The following GNB1 variants were observed in gnomAD, a reference collection of about 807,000 sequenced individuals.
GNB1 encodes guanine nucleotide-binding protein G(I)/G(S)/G(T) subunit beta-1.
In GNB1, 2 loss-of-function variants were observed where a neutral mutation model predicts 42.9. The ratio of observed to expected loss-of-function variants is 0.05; its 90% CI spans 0.02 to 0.15. GNB1 has a LOEUF of 0.15. Ranked by LOEUF, GNB1 falls within the 10% of genes least tolerant of loss-of-function variation. The pLI is 1.00. For synonymous variants in GNB1, 183 were observed against 174.7 expected, an observed-to-expected ratio of 1.05 and a Z score of -0.38; for missense variants, 193 against 462.2, an observed-to-expected ratio of 0.42 and a Z score of 5.34.
chr1:1,792,934 C>T (rs557625847), intron 8 of GNB1, among the ~76,000 whole-genome samples: 1 of 151,838 alleles, frequency 6.6e-6, no homozygotes, highest in East Asian at 1.9e-4. Context: ...GGCGTGGTGG[C>T]GGGCACCTGT....
chr1:1,789,341 ATGGTAGGGC>A lies in GNB1; in HGVS notation c.700-81_700-73del. On this transcript the variant is annotated intron_variant, in intron 9 of 11. Coordinates refer to ENST00000378609, the MANE Select transcript of GNB1 (RefSeq NM_002074.5). ...AAACATTGGGAATATGGATTGCTCA[ATGGTAGGGC>A]TGCAGAGAACACAGCAGGCAAAGAC... is the stretch of plus-strand genomic sequence containing the variant. The A allele has an allele frequency of 3.6e-6, 3 of 838,742 alleles. No homozygotes were observed. In the Admixed American group the frequency reaches 5.9e-5, roughly 16 times the overall value. The allele number at this position is 838,742 out of a possible 1,614,324, so 52.0% of individuals were successfully genotyped here. A position where few individuals can be genotyped will look rare whatever the true frequency, so the allele number is the denominator to read the frequency against.
intron 2 of GNB1, among the ~76,000 whole-genome samples, chr1:1,828,658 T>C (rs965324936): frequency 2.0e-5 from 3 of 152,190 alleles, no homozygotes; most frequent in South Asian, 2.1e-4. Flanking sequence ...TTCTTTTTCA[T>C]AGTTAATAGC....
chr1:1,864,266 A>T (rs1188752301), intron 1 of GNB1, among the ~76,000 whole-genome samples: 3 of 137,314 alleles, frequency 2.2e-5, no homozygotes, highest in Non-Finnish European at 3.1e-5. Context: ...CAGTGTGCCA[A>T]GATCGTGCCA....
chr1:1,810,220 C>T (rs1320479754), intron 5 of GNB1, among the ~76,000 whole-genome samples: 3 of 151,826 alleles, frequency 2.0e-5, no homozygotes, highest in East Asian at 1.9e-4. Flanking sequence ...CACCTGCCAC[C>T]GCGCCTGGCT....
intron 2 of GNB1, among the ~76,000 whole-genome samples, chr1:1,831,922 C>T (rs1033836211): frequency 5.9e-5 from 9 of 151,344 alleles, no homozygotes; most frequent in South Asian, 2.1e-4. Flanking sequence ...AATTAGCTGG[C>T]GCAGTGGCAC....
chr1:1,843,194 T>G (rs1027666193), intron 1 of GNB1, among the ~76,000 whole-genome samples: 1 of 152,158 alleles, frequency 6.6e-6, no homozygotes, highest in Admixed American at 6.6e-5. Flanking sequence ...CTAAAAAAAA[T>G]TATACATAAT....
intron 1 of GNB1, among the ~76,000 whole-genome samples, chr1:1,845,118 A>G (rs1022997846): frequency 1.9e-4 from 29 of 152,238 alleles, no homozygotes; most frequent in Non-Finnish European, 3.4e-4. Context: ...AGAGTTCAGT[A>G]TCAATAAAAA....
rs780653745 is a variant in GNB1 at position 1,825,421 on chromosome 1, G to A, written c.33C>T (p.Ala11=). The change falls in exon 3 of 12, where the codon GCC becomes GCT. Residue 11 remains alanine (A), a synonymous_variant. Coordinates refer to ENST00000378609, the MANE Select transcript of GNB1 (RefSeq NM_002074.5). ...CTCGAATCTGGTTCTTAAGTTGCTC[G>A]GCCTCCTGCCGTAACTGGTCAAGCT... MSELDQLRQE[A]EQLKNQIRDA... The A allele has an allele frequency of 8.1e-6, 13 of 1,612,668 alleles. No individual in the cohort carries two copies. Among genetic ancestry groups the A allele is most frequent in the Middle Eastern group, 1.6e-4 (1 of 6,062 alleles).
At chr1:1,846,289 G>A (rs1440320482) in intron 1 of GNB1, among the ~76,000 whole-genome samples, 3 of 152,082 alleles carry the variant, frequency 2.0e-5, no homozygotes, top group Non-Finnish European at 4.4e-5. Context: ...AGATTTAGCC[G>A]GGTGCAGTGG....
At chr1:1,876,414 T>A (rs953223174) in intron 1 of GNB1, among the ~76,000 whole-genome samples, 1 of 151,642 alleles carries the variant, frequency 6.6e-6, no homozygotes, top group South Asian at 2.1e-4. Context: ...GCCTCCTGGA[T>A]AGCTGGGACT....
intron 1 of GNB1, among the ~76,000 whole-genome samples, chr1:1,881,420 A>ATTTTTTT (rs532230482): frequency 1.6e-5 from 2 of 125,056 alleles, no homozygotes; most frequent in Non-Finnish European, 1.9e-5. Context: ...GTAAAAGTTC[A>ATTTTTTT]TTTTTTTCTT....
At chr1:1,842,883 C>T (rs928962596) in intron 1 of GNB1, among the ~76,000 whole-genome samples, 1 of 152,242 alleles carries the variant, frequency 6.6e-6, no homozygotes, top group Non-Finnish European at 1.5e-5. Flanking sequence ...AGCGAAGCCT[C>T]GCTCCGGGGC....
At chr1:1,856,552 C>T (rs1648309964) in intron 1 of GNB1, among the ~76,000 whole-genome samples, 1 of 152,188 alleles carries the variant, frequency 6.6e-6, no homozygotes, top group Non-Finnish European at 1.5e-5. Context: ...CTCAGCCTCC[C>T]GAGTAGCTGG....
intron 1 of GNB1, among the ~76,000 whole-genome samples, chr1:1,882,053 C>T (rs1483152016): frequency 6.6e-6 from 1 of 152,110 alleles, no homozygotes; most frequent in African/African-American, 2.4e-5. Flanking sequence ...CACTGCCCTC[C>T]GCTCTGTGCC....
At chr1:1,788,992 T>C (rs544405503) in intron 10 of GNB1, 61 bp downstream of exon 10, 18 of 1,187,470 alleles carry the variant, frequency 1.5e-5, no homozygotes, top group Non-Finnish European at 1.8e-5. Context: ...CCACTCTGTG[T>C]TTGCTCTAAA....
At position 1,793,347 on chromosome 1, in the gene GNB1, C is replaced by T. The variant is rs754533369; in HGVS notation, c.431-36G>A. The stretch of plus-strand genomic sequence containing the variant: ...ACAGGCCTAAGTGATGAGCTGAATC[C>T]AGCAGGCCTTGCACCCAGCCTCATA... On this transcript the variant is annotated intron_variant, in intron 7 of 11. Transcript: ENST00000378609. 2.1e-5 allele frequency: 32 copies of T among 1,490,074 alleles called. No individual in the cohort carries two copies. In the South Asian group the frequency reaches 3.1e-4, roughly 14 times the overall value. 92.3% of individuals were successfully genotyped at this position (1,490,074 alleles called of 1,614,324 possible).
At chr1:1,836,158 C>G (rs757461594) in intron 2 of GNB1, among the ~76,000 whole-genome samples, 45 of 152,002 alleles carry the variant, frequency 3.0e-4, no homozygotes, top group Non-Finnish European at 6.2e-4. Context: ...TGCTGGGTCA[C>G]ATTCCCAACA....
intron 7 of GNB1, among the ~76,000 whole-genome samples, chr1:1,797,907 G>A (rs1052425783): frequency 6.6e-6 from 1 of 152,182 alleles, no homozygotes; most frequent in African/African-American, 2.4e-5. Flanking sequence ...CCATGACCAC[G>A]CCCAGTCCCT....
intron 2 of GNB1, among the ~76,000 whole-genome samples, chr1:1,829,675 T>C (rs974290384): frequency 6.6e-6 from 1 of 152,084 alleles, no homozygotes; most frequent in African/African-American, 2.4e-5. Flanking sequence ...AAACGAACAG[T>C]GTACAAAGCA....
Sources: gnomAD v4.1 joint callset for allele counts (sites outside exome capture counted in the v4.1 genomes callset) on GRCh38, gnomAD v4.1.1 for gene constraint, MANE v1.5 for transcripts, NCBI Gene and HGNC (gene_info 2026-07-23, HGNC 2026-07-21) for gene names.